Variants in CHRM3 observed in about 807,000 individuals in gnomAD.
CHRM3 encodes the protein muscarinic acetylcholine receptor M3.
Under a neutral mutation model 41.8 loss-of-function variants are expected in CHRM3, and 11 were observed. The observed-to-expected ratio is 0.26, with a 90% CI of 0.17 to 0.44. The LOEUF is 0.44. CHRM3 is among the 20% of genes least tolerant of loss of function. The pLI, the probability that CHRM3 is intolerant of heterozygous loss-of-function variation, is 1.00. For missense variants in CHRM3, 571 were observed against 745.4 expected, an observed-to-expected ratio of 0.77 and a Z score of 2.72; for synonymous variants, 297 against 301.4, an observed-to-expected ratio of 0.99 and a Z score of 0.15.
At chr1:239,638,603 T>C (rs1670747845) in intron 4 of CHRM3, among the ~76,000 whole-genome samples, 1 of 152,206 alleles carries the variant, frequency 6.6e-6, no homozygotes. Flanking sequence ...CACTTTTTGA[T>C]GGGGTTGTTT....
chr1:239,580,738 C>CAT (rs111982832), intron 3 of CHRM3, among the ~76,000 whole-genome samples: 5,562 of 134,206 alleles, frequency 0.041, 411 homozygotes, highest in African/African-American at 0.13. Flanking sequence ...CACACAAGTG[C>CAT]ATATATATAT....
intron 2 of CHRM3, among the ~76,000 whole-genome samples, chr1:239,505,060 G>GA (rs1453095195): frequency 6.6e-6 from 1 of 151,930 alleles, no homozygotes; most frequent in Non-Finnish European, 1.5e-5. Flanking sequence ...ATAACTTATG[G>GA]AAAAAATAAC....
rs903007911 is a variant in CHRM3 at position 239,911,662 on chromosome 1, C to T, written c.*2438C>T. 6.0e-6 allele frequency: 1 copy of T among 166,900 alleles called. No homozygotes were observed. The highest frequency in any genetic ancestry group is 2.4e-5 in the African/African-American group (1 of 41,396). The allele number at this position is 166,900 out of a possible 1,614,324, so 10.3% of individuals were successfully genotyped here. ...ACATGATTATCTCCTTATCCTTGTC[C>T]TTTTGTGATGCTAATAATAGCAGAA... On this transcript the variant is annotated 3_prime_UTR_variant, in exon 7 of 7. Coordinates refer to ENST00000676153, the MANE Select transcript of CHRM3 (RefSeq NM_001375978.1).
At chr1:239,857,992 ATT>A (rs1040476573) in intron 6 of CHRM3, among the ~76,000 whole-genome samples, 4 of 152,258 alleles carry the variant, frequency 2.6e-5, no homozygotes, top group African/African-American at 9.6e-5. Context: ...ATTGATATAT[ATT>A]ATTAATTAAA....
chr1:239,447,173 C>T (rs1664210390), intron 1 of CHRM3, among the ~76,000 whole-genome samples: 1 of 152,074 alleles, frequency 6.6e-6, no homozygotes, highest in African/African-American at 2.4e-5. Flanking sequence ...CAAAGTATTT[C>T]ATCTTGGTTT....
chr1:239,664,746 A>G (rs925363664), intron 4 of CHRM3, among the ~76,000 whole-genome samples: 19 of 152,150 alleles, frequency 1.2e-4, no homozygotes, highest in Admixed American at 4.6e-4. Context: ...TTTCTCTTCC[A>G]TGTTTCAATG....
rs1371866188 is a variant in CHRM3 at position 239,910,376 on chromosome 1, G to T, written c.*1152G>T. ...AAACATGGTAAGAGAGAATGAAGGA[G>T]AACATTGTGTTTGATTCTTGCTGAA... On this transcript the variant is annotated 3_prime_UTR_variant, in exon 7 of 7. Transcript: ENST00000676153. 1 of 163,430 alleles carries T rather than the reference G, an allele frequency of 6.1e-6. No homozygotes were observed. The highest frequency in any genetic ancestry group is 1.5e-5 in the Non-Finnish European group (1 of 67,422). The allele number at this position is 163,430 out of a possible 1,614,324, so 10.1% of individuals were successfully genotyped here.
chr1:239,447,400 G>GGA (rs771442096), intron 1 of CHRM3, among the ~76,000 whole-genome samples: 3 of 151,864 alleles, frequency 2.0e-5, no homozygotes, highest in African/African-American at 7.2e-5. Flanking sequence ...AAGAATGTGG[G>GGA]GAGAGAGAGA....
At chr1:239,554,729 CT>C (rs750207504) in intron 3 of CHRM3, among the ~76,000 whole-genome samples, 2,123 of 122,948 alleles carry the variant, frequency 0.017, 44 homozygotes, top group African/African-American at 0.057. Context: ...GTATTTCTTT[CT>C]TTTTTTTTTT....
intron 3 of CHRM3, among the ~76,000 whole-genome samples, chr1:239,582,177 C>T (rs928298404): frequency 6.6e-6 from 1 of 152,100 alleles, no homozygotes; most frequent in South Asian, 2.1e-4. Flanking sequence ...ATTATGGCCA[C>T]CTACTAGCTT....
intron 6 of CHRM3, among the ~76,000 whole-genome samples, chr1:239,870,613 A>G (rs1426895091): frequency 6.6e-6 from 1 of 151,998 alleles, no homozygotes; most frequent in Non-Finnish European, 1.5e-5. Flanking sequence ...CCAAAACTTC[A>G]CCTGGTGTTC....
intron 3 of CHRM3, among the ~76,000 whole-genome samples, chr1:239,562,999 C>T (rs16838510): frequency 0.04 from 6,044 of 151,484 alleles, 146 homozygotes; most frequent in Non-Finnish European, 0.056. Flanking sequence ...AAATTCATCA[C>T]GTATATAGGC....
At chr1:239,409,257 T>C (rs1445422839) in intron 1 of CHRM3, among the ~76,000 whole-genome samples, 1 of 152,216 alleles carries the variant, frequency 6.6e-6, no homozygotes, top group African/African-American at 2.4e-5. Flanking sequence ...TGTTGAGAAG[T>C]AGCTTTAAAC....
intron 1 of CHRM3, among the ~76,000 whole-genome samples, chr1:239,489,989 C>A (rs988571088): frequency 2.0e-5 from 3 of 152,160 alleles, no homozygotes; most frequent in African/African-American, 4.8e-5. Flanking sequence ...CAGGTCCTGG[C>A]TCTTCCCCTA....
chr1:239,835,435 A>G (rs964565704), intron 6 of CHRM3, among the ~76,000 whole-genome samples: 1 of 152,130 alleles, frequency 6.6e-6, no homozygotes, highest in Admixed American at 6.5e-5. Context: ...CAAATTGGGG[A>G]GGAAAAAGAT....
chr1:239,448,064 T>C (rs1664283207), intron 1 of CHRM3, among the ~76,000 whole-genome samples: 1 of 152,184 alleles, frequency 6.6e-6, no homozygotes, highest in Non-Finnish European at 1.5e-5. Flanking sequence ...TGACATAATG[T>C]TGGGCAAATT....
intron 6 of CHRM3, among the ~76,000 whole-genome samples, chr1:239,902,685 C>T (rs886296571): frequency 1.3e-5 from 2 of 152,154 alleles, no homozygotes; most frequent in African/African-American, 4.8e-5. Flanking sequence ...ACCACATTCC[C>T]TTCTTTTCTC....
intron 6 of CHRM3, among the ~76,000 whole-genome samples, chr1:239,880,999 C>T (rs113584731): frequency 0.016 from 2,439 of 152,092 alleles, 78 homozygotes; most frequent in African/African-American, 0.056. Flanking sequence ...AATACAACCC[C>T]TGGGCCGGGC....
intron 1 of CHRM3, among the ~76,000 whole-genome samples, chr1:239,487,875 C>G (rs1159869026): frequency 7.4e-6 from 1 of 135,344 alleles, no homozygotes; most frequent in South Asian, 2.3e-4. Flanking sequence ...AAAAACAAAA[C>G]ACAAAGACAA....
Sources: gnomAD v4.1 joint callset for allele counts (sites outside exome capture counted in the v4.1 genomes callset) on GRCh38, gnomAD v4.1.1 for gene constraint, MANE v1.5 for transcripts, NCBI Gene and HGNC (gene_info 2026-07-23, HGNC 2026-07-21) for gene names.